The following RTN4 variants were observed in gnomAD, a reference collection of about 807,000 sequenced individuals.
The protein encoded by RTN4 is reticulon 4.
In RTN4, 32 loss-of-function variants were observed where a neutral mutation model predicts 90.4. The observed-to-expected ratio is 0.35, with a 90% CI of 0.27 to 0.48. The LOEUF (loss-of-function observed/expected upper bound fraction) is 0.48, where lower values mean the gene tolerates loss of function less well. Among genes scored for constraint, RTN4 ranks in the 20% least tolerant of loss-of-function variants. The pLI is 0.99. For missense variants in RTN4, 1,706 were observed against 1,430.2 expected, an observed-to-expected ratio of 1.19 and a Z score of -3.11; for synonymous variants, 629 against 552.5, an observed-to-expected ratio of 1.14 and a Z score of -1.94.
intron 6 of RTN4, among the ~76,000 whole-genome samples, chr2:54,974,405 G>C (rs1038326380): frequency 6.6e-6 from 1 of 152,162 alleles, no homozygotes; most frequent in Admixed American, 6.5e-5. Flanking sequence ...TCAGCCTCCG[G>C]AGTAGCTGGG....
At chr2:54,993,578 C>T (rs1035782472) in intron 3 of RTN4, among the ~76,000 whole-genome samples, 4 of 152,252 alleles carry the variant, frequency 2.6e-5, no homozygotes, top group Non-Finnish European at 4.4e-5. Flanking sequence ...CCTAGGAACA[C>T]GGTCTTTTCA....
chr2:55,120,607 G>A, the RTN4 span, among the ~76,000 whole-genome samples: 13 of 152,174 alleles, frequency 8.5e-5, no homozygotes, highest in Admixed American at 8.5e-4. Context: ...GTCCAAATGA[G>A]TTTTCTACAT....
chr2:55,114,230 A>G (rs766622833), upstream of RTN4, among the ~76,000 whole-genome samples: 1 of 152,196 alleles, frequency 6.6e-6, no homozygotes, highest in Non-Finnish European at 1.5e-5. Flanking sequence ...GACTTGGTGC[A>G]CCATTTGCAC....
chr2:55,002,933 T>C (rs1679950422), intron 3 of RTN4, among the ~76,000 whole-genome samples: 2 of 152,190 alleles, frequency 1.3e-5, no homozygotes, highest in Admixed American at 6.6e-5. Context: ...AATAAACTGG[T>C]TCAATGTATA....
At chr2:54,982,301 G>C (rs991656172) in intron 5 of RTN4, among the ~76,000 whole-genome samples, 1 of 151,714 alleles carries the variant, frequency 6.6e-6, no homozygotes, top group Non-Finnish European at 1.5e-5. Context: ...AGGAATACAG[G>C]ACTCTCTGTA....
chr2:55,090,717 T>C (rs1483183125), intron 1 of RTN4, among the ~76,000 whole-genome samples: 1 of 152,160 alleles, frequency 6.6e-6, no homozygotes, highest in Non-Finnish European at 1.5e-5. Flanking sequence ...CAGGGTCCAA[T>C]TGCTCATACA....
chr2:55,081,814 G>A (rs1159329891), intron 1 of RTN4, among the ~76,000 whole-genome samples: 1 of 129,270 alleles, frequency 7.7e-6, no homozygotes, highest in Non-Finnish European at 1.5e-5. Flanking sequence ...ATTGAGTTAA[G>A]ATCATACCAC....
chr2:55,008,838 T>A (rs185401471), intron 3 of RTN4, among the ~76,000 whole-genome samples: 1 of 152,330 alleles, frequency 6.6e-6, no homozygotes, highest in East Asian at 1.9e-4. Flanking sequence ...TATTGTATTA[T>A]TATCATTTGT....
intron 3 of RTN4, among the ~76,000 whole-genome samples, chr2:55,021,175 G>C (rs528910378): frequency 6.2e-4 from 94 of 152,150 alleles, no homozygotes; most frequent in Non-Finnish European, 1.2e-3. Context: ...TCTGAGAAGA[G>C]AGCTTCCCTT....
upstream of RTN4, among the ~76,000 whole-genome samples, chr2:55,113,134 G>A (rs752122637): frequency 6.6e-6 from 1 of 152,192 alleles, no homozygotes; most frequent in Non-Finnish European, 1.5e-5. Flanking sequence ...TTAAGAGAAA[G>A]GCTATGTCCT....
chr2:55,137,468 T>G, the RTN4 span, among the ~76,000 whole-genome samples: 3 of 152,132 alleles, frequency 2.0e-5, no homozygotes, highest in Non-Finnish European at 4.4e-5. Context: ...CAGCAGGGAC[T>G]AAATTCCGGA....
Position 54,974,688 on chromosome 2 carries a change from G to C in RTN4, c.3430+7C>G, listed in dbSNP as rs1290325279. 2 of 1,610,126 alleles carry C rather than the reference G, an allele frequency of 1.2e-6. No homozygotes were observed. Among genetic ancestry groups the C allele is most frequent in the East Asian group, 2.2e-5 (1 of 44,870 alleles). ...AATTTTTCATCCCAATGGCTTTGTA[G>C]ACTTACCCAAAATCAGTAGTGTCAG... On this transcript the variant is annotated splice_region_variant and intron_variant, in intron 6 of 8. Transcript: ENST00000337526.
intron 1 of RTN4, among the ~76,000 whole-genome samples, chr2:55,034,583 G>T (rs1682549716): frequency 6.6e-6 from 1 of 152,134 alleles, no homozygotes; most frequent in East Asian, 1.9e-4. Flanking sequence ...GAAGCTGAAA[G>T]AATTTGTCAC....
At position 55,035,942 on chromosome 2, in the gene RTN4, G is replaced by T. The variant is rs550484629; in HGVS notation, c.557-7722C>A. Among the ~76,000 whole-genome samples, 137 of 152,086 alleles carry T rather than the reference G, an allele frequency of 9.0e-4. 1 individual carries two copies. The highest frequency in any genetic ancestry group is 3.4e-3 in the Middle Eastern group (1 of 294). ...TTGAAAGACACAAATCACCAAAACT[G>T]ACACAAGCAGAAATCAAAAATCAGA... On this transcript the variant is annotated intron_variant, in intron 1 of 8. Transcript: ENST00000337526.
chr2:55,018,748 G>A (rs190529269), intron 3 of RTN4, among the ~76,000 whole-genome samples: 1 of 151,462 alleles, frequency 6.6e-6, no homozygotes, highest in African/African-American at 2.4e-5. Flanking sequence ...GTATGTATGT[G>A]TATGTGTGTA....
In RTN4 at chr2:55,111,348, T is replaced by C. The variant is rs77377201; in HGVS notation, c.-214+1172A>G. ...GGCACCCTCAAATCTTAGGCCCAAA[T>C]AGATGGTGGTATCAACAGAAACAAC... On this transcript the variant is annotated intron_variant, in intron 1 of 3. Transcript: ENST00000427710. 1.9e-3 allele frequency among the ~76,000 whole-genome samples: 282 copies of C among 152,176 alleles called. 2 individuals are homozygous for C. Among genetic ancestry groups the C allele is most frequent in the African/African-American group, 6.5e-3 (272 of 41,528 alleles).
rs1350434659 is a variant in RTN4 at position 55,027,171 on chromosome 2, C to G, written c.928G>C (p.Ala310Pro). 3.7e-6 allele frequency: 6 copies of G among 1,613,622 alleles called. No homozygotes were observed. In the East Asian group the frequency reaches 8.9e-5, roughly 24 times the overall value. ...TTTGCTACTATTACGGCAGATTCTG[C>G]TTTTGGAGAGACACTGAACGATGAT... is the stretch of plus-strand genomic sequence containing the variant. ...MGSSFSVSPK[A>P]ESAVIVANPR... The change falls in exon 3 of 9, where the codon GCA becomes CCA. Residue 310 changes from alanine to proline, a missense_variant. Physicochemically the swap from Ala to Pro is conservative, Grantham distance 27. Transcript: ENST00000337526.
chr2:55,107,494 G>C (rs889852124), intron 1 of RTN4, among the ~76,000 whole-genome samples: 1 of 151,904 alleles, frequency 6.6e-6, no homozygotes, highest in African/African-American at 2.4e-5. Context: ...TCTCACAGGG[G>C]AAGGCAGAAC....
chr2:55,118,023 G>T, the RTN4 span, among the ~76,000 whole-genome samples: 3 of 152,146 alleles, frequency 2.0e-5, no homozygotes, highest in Non-Finnish European at 4.4e-5. Flanking sequence ...GTTTGTTTGG[G>T]ATTTTCTGTT....
Sources: allele counts gnomAD v4.1 joint callset (sites outside exome capture counted in the v4.1 genomes callset), GRCh38; gene constraint gnomAD v4.1.1; transcripts MANE v1.5; gene names NCBI Gene and HGNC (gene_info 2026-07-23, HGNC 2026-07-21).